The following TRPV5 variants were observed in gnomAD, a reference collection of about 807,000 sequenced individuals.
The protein encoded by TRPV5 is calcium transport protein 2.
Under a neutral mutation model 74.1 loss-of-function variants are expected in TRPV5, and 66 were observed. That is an observed-to-expected ratio of 0.89 (90% confidence interval 0.73 to 1.09). The LOEUF (loss-of-function observed/expected upper bound fraction) is 1.09, where lower values mean the gene tolerates loss of function less well. Ranked by LOEUF, TRPV5 falls within the 50% of genes least tolerant of loss-of-function variation. TRPV5 has a pLI of 0.00. For missense variants in TRPV5, 936 were observed against 930.4 expected (o/e 1.01, Z -0.08); for synonymous variants, 399 against 360.7 (o/e 1.11, Z -1.20).
chr7:142,910,687 A>G (rs1487144435), intron 13 of TRPV5, among the ~76,000 whole-genome samples: 1 of 152,098 alleles, frequency 6.6e-6, no homozygotes, highest in Non-Finnish European at 1.5e-5. Context: ...GTTCCCTCCT[A>G]GCTCAGGACT....
chr7:142,909,260 G>T (rs1419760885), intron 14 of TRPV5, among the ~76,000 whole-genome samples: 1 of 152,110 alleles, frequency 6.6e-6, no homozygotes, highest in Non-Finnish European at 1.5e-5. Context: ...CTCAGAACAA[G>T]GTTACAGCAA....
At chr7:142,929,966 C>T in intron 3 of TRPV5, 92 bp downstream of exon 3, 2 of 1,593,208 alleles carry the variant, frequency 1.3e-6, no homozygotes, top group Admixed American at 1.8e-5. Flanking sequence ...ATCACCCCAC[C>T]CCAACCCATC....
chr7:142,917,063 T>A (rs1272517241), intron 8 of TRPV5, among the ~76,000 whole-genome samples: 1 of 151,930 alleles, frequency 6.6e-6, no homozygotes. Flanking sequence ...TTTTTTTGTG[T>A]GTCTGGTTTT....
intron 14 of TRPV5, 27 bp from the exon 15 acceptor site, chr7:142,908,835 C>G: frequency 6.3e-7 from 1 of 1,596,890 alleles, no homozygotes; most frequent in South Asian, 1.1e-5. Flanking sequence ...GGAAAGGACT[C>G]AATCCAGGTG....
At chr7:142,930,850 G>A (rs1031000350) in intron 1 of TRPV5, among the ~76,000 whole-genome samples, 1 of 152,020 alleles carries the variant, frequency 6.6e-6, no homozygotes, top group African/African-American at 2.4e-5. Context: ...TTCCATCTGC[G>A]GTCCCCCTGC....
chr7:142,930,989 A>G (rs1796081170), intron 1 of TRPV5, among the ~76,000 whole-genome samples: 1 of 149,758 alleles, frequency 6.7e-6, no homozygotes, highest in South Asian at 2.1e-4. Flanking sequence ...TTTGTGAGGC[A>G]CTAAAGTTCT....
intron 12 of TRPV5, 129 bp downstream of exon 12, chr7:142,914,511 C>T (rs1308462189): frequency 1.1e-6 from 1 of 899,814 alleles, no homozygotes; most frequent in Admixed American, 2.7e-5. Flanking sequence ...CAGGAAAAAA[C>T]AAAACAAAAA....
Position 142,933,505 on chromosome 7 carries a change from G to C in TRPV5, c.-46C>G, listed in dbSNP as rs1796133545. 1 of 1,596,958 alleles carries C rather than the reference G, an allele frequency of 6.3e-7. No individual in the cohort carries two copies. The highest frequency in any genetic ancestry group is 1.3e-5 in the African/African-American group (1 of 74,308). On this transcript the variant is annotated 5_prime_UTR_variant, in exon 1 of 15. Coordinates refer to ENST00000265310, the MANE Select transcript of TRPV5 (RefSeq NM_019841.7). ...GGCAGATTATAGAAATGTGGCGAAA[G>C]AAACAGGTCTAGGATGACAGCAACT... is the stretch of plus-strand genomic sequence containing the variant.
At chr7:142,925,156 T>C (rs1795961169) in intron 8 of TRPV5, 2 of 441,802 alleles carry the variant, frequency 4.5e-6, no homozygotes, top group Admixed American at 3.8e-5. Flanking sequence ...ACAACAAAAA[T>C]GGACTCAGAA....
intron 8 of TRPV5, among the ~76,000 whole-genome samples, chr7:142,917,063 T>C (rs1272517241): frequency 6.6e-6 from 1 of 151,930 alleles, no homozygotes; most frequent in Non-Finnish European, 1.5e-5. Context: ...TTTTTTTGTG[T>C]GTCTGGTTTT....
At chr7:142,927,240 A>C (rs994606927) in intron 7 of TRPV5, among the ~76,000 whole-genome samples, 1 of 152,148 alleles carries the variant, frequency 6.6e-6, no homozygotes, top group African/African-American at 2.4e-5. Flanking sequence ...GGCTGTCTGC[A>C]TGCATGGTAC....
chr7:142,913,782 C>T (rs1795746722), intron 12 of TRPV5, among the ~76,000 whole-genome samples: 1 of 152,178 alleles, frequency 6.6e-6, no homozygotes, highest in Non-Finnish European at 1.5e-5. Flanking sequence ...TGAGTCATTG[C>T]TTTTTAGAGA....
intron 13 of TRPV5, among the ~76,000 whole-genome samples, chr7:142,911,699 C>A (rs976830268): frequency 1.3e-5 from 2 of 152,188 alleles, no homozygotes; most frequent in African/African-American, 4.8e-5. Flanking sequence ...ATGCTCATGT[C>A]CCTAGCTCCT....
At position 142,915,392 on chromosome 7, in the gene TRPV5, A is replaced by G; in HGVS notation, c.1210-9T>C. On this transcript the variant is annotated splice_polypyrimidine_tract_variant and intron_variant, in intron 9 of 14. Transcript: ENST00000265310. ...CTGAAGATGTCTGGAATCTGGGGAG[A>G]GGACGGCAAAGCAAAAATACAATGT... The G allele has an allele frequency of 6.2e-7, 1 of 1,607,820 alleles. No homozygotes were observed. Among genetic ancestry groups the G allele is most frequent in the African/African-American group, 1.3e-5 (1 of 74,450 alleles).
At chr7:142,911,454 C>T (rs1274229226) in intron 13 of TRPV5, among the ~76,000 whole-genome samples, 1 of 152,220 alleles carries the variant, frequency 6.6e-6, no homozygotes, top group African/African-American at 2.4e-5. Context: ...TTCCTTTTAA[C>T]TACCTAGTTC....
Position 142,928,990 on chromosome 7 carries a change from ATCCCAGCTCCCC to A in TRPV5, c.586+20_586+31del. 3 of 1,613,440 alleles carry A rather than the reference ATCCCAGCTCCCC, an allele frequency of 1.9e-6. No individual in the cohort carries two copies. The highest frequency in any genetic ancestry group is 2.5e-6 in the Non-Finnish European group (3 of 1,179,902). On this transcript the variant is annotated intron_variant, in intron 5 of 14. Transcript: ENST00000265310. ...TACCCTGTCCCTCGCTCCCCACAGC[ATCCCAGCTCCCC>A]TCCCCATCCCAGCTCTTACCCAGGG...
intron 8 of TRPV5, among the ~76,000 whole-genome samples, chr7:142,921,124 T>C (rs1356632909): frequency 6.6e-6 from 1 of 150,682 alleles, no homozygotes; most frequent in Admixed American, 6.6e-5. Context: ...CGAGGGATGA[T>C]GATGTGTGGA....
In TRPV5 at chr7:142,925,866, G is replaced by A. The variant is rs4252434; in HGVS notation, c.910-125C>T. The A allele has an allele frequency of 1.4e-3, 1,154 of 800,722 alleles. 12 individuals carry two copies. The African/African-American group carries it at 0.016, about 11-fold the overall frequency. The allele number at this position is 800,722 out of a possible 1,614,324, so 49.6% of individuals were successfully genotyped here. On this transcript the variant is annotated intron_variant, in intron 7 of 14. Coordinates refer to ENST00000265310, the MANE Select transcript of TRPV5 (RefSeq NM_019841.7). ...TCAGCTCATCAGTCACTTATTTGAC[G>A]GACAAATAGTATATTTCCTGCATAT...
chr7:142,912,865 T>TATCTATCTATCTATCTATC (rs1795725537), intron 12 of TRPV5, 115 bp from the exon 13 acceptor site: 8 of 1,043,004 alleles, frequency 7.7e-6, no homozygotes, highest in Non-Finnish European at 1.1e-5. Context: ...TCTATCTATC[T>TATCTATCTATCTATCTATC]ATCTATCTAT....
Sources: allele counts gnomAD v4.1 joint callset (sites outside exome capture counted in the v4.1 genomes callset), GRCh38; gene constraint gnomAD v4.1.1; transcripts MANE v1.5; gene names NCBI Gene and HGNC (gene_info 2026-07-23, HGNC 2026-07-21).